ROBO1: variants seen among roughly 807,000 people sequenced by gnomAD.
The protein encoded by ROBO1 is roundabout homolog 1.
ROBO1 carries 149 observed loss-of-function variants against 195.9 expected under a neutral mutation model. The ratio of observed to expected loss-of-function variants is 0.76; its 90% CI spans 0.67 to 0.87. The LOEUF (loss-of-function observed/expected upper bound fraction) is 0.87. Ranked by LOEUF, ROBO1 falls within the 40% of genes least tolerant of loss-of-function variation. The pLI is 0.00. For synonymous variants in ROBO1, 816 were observed against 733.2 expected, an observed-to-expected ratio of 1.11 and a Z score of -1.82; for missense variants, 1,933 against 2,068.3, an observed-to-expected ratio of 0.93 and a Z score of 1.27.
chr3:79,469,348 G>A (rs1260934089), intron 2 of ROBO1, among the ~76,000 whole-genome samples: 1 of 152,188 alleles, frequency 6.6e-6, no homozygotes, highest in African/African-American at 2.4e-5. Flanking sequence ...GAAGTAATTG[G>A]AAATTATGAT....
At chr3:79,540,992 T>A (rs995984900) in intron 2 of ROBO1, among the ~76,000 whole-genome samples, 1 of 152,104 alleles carries the variant, frequency 6.6e-6, no homozygotes, top group Non-Finnish European at 1.5e-5. Flanking sequence ...ATAGATGAGA[T>A]GAAGTCTTAT....
chr3:79,203,201 C>T (rs2081801123), intron 2 of ROBO1, among the ~76,000 whole-genome samples: 1 of 152,154 alleles, frequency 6.6e-6, no homozygotes, highest in Non-Finnish European at 1.5e-5. Flanking sequence ...GCATCCAAGC[C>T]TCCCACATGG....
intron 4 of ROBO1, among the ~76,000 whole-genome samples, chr3:78,910,663 A>G: frequency 6.6e-6 from 1 of 151,970 alleles, no homozygotes; most frequent in East Asian, 1.9e-4. Flanking sequence ...GGTCTACATA[A>G]ATGACCCTCT....
At chr3:79,514,482 C>T (rs1238150411) in intron 2 of ROBO1, among the ~76,000 whole-genome samples, 1 of 151,930 alleles carries the variant, frequency 6.6e-6, no homozygotes, top group Non-Finnish European at 1.5e-5. Flanking sequence ...TCTTTTAAAA[C>T]TTAAAACCTT....
At chr3:79,394,679 T>A (rs144758106) in intron 2 of ROBO1, among the ~76,000 whole-genome samples, 1 of 152,140 alleles carries the variant, frequency 6.6e-6, no homozygotes, top group African/African-American at 2.4e-5. Flanking sequence ...AATCTAAATA[T>A]AGATTCTTCT....
intron 2 of ROBO1, among the ~76,000 whole-genome samples, chr3:79,457,098 T>G (rs923890108): frequency 6.6e-6 from 1 of 152,206 alleles, no homozygotes; most frequent in Non-Finnish European, 1.5e-5. Flanking sequence ...AAACGAATGA[T>G]GAATTTTACT....
chr3:79,261,277 T>G (rs528235418), intron 2 of ROBO1, among the ~76,000 whole-genome samples: 1 of 152,194 alleles, frequency 6.6e-6, no homozygotes, highest in South Asian at 2.1e-4. Context: ...AGAACAGCTG[T>G]AAAAACATTT....
At position 78,767,860 on chromosome 3, in the gene ROBO1, T is replaced by A. The variant is rs545357510; in HGVS notation, c.500-20960A>T. ...GCTAATGGTCTATCGATTTTATTGA[T>A]GTTTTAAAAGAACTAGCTTTTGGTT... On this transcript the variant is annotated intron_variant, in intron 4 of 30. Transcript: ENST00000464233. Among the ~76,000 whole-genome samples, 7 of 152,238 alleles carry A rather than the reference T, an allele frequency of 4.6e-5. No homozygotes were observed. In the East Asian group the frequency reaches 1.4e-3, roughly 29 times the overall value.
At position 79,101,562 on chromosome 3, in the gene ROBO1, C is replaced by A. The variant is rs142891167; in HGVS notation, c.172+23894G>T. Among the ~76,000 whole-genome samples, 477 of 151,898 alleles carry A rather than the reference C, an allele frequency of 3.1e-3. 5 individuals are homozygous for A. The highest frequency in any genetic ancestry group is 0.011 in the African/African-American group (452 of 41,488). Reference sequence around the variant, plus strand: ...CTGGAGCTTCATATTATCTCACTTGCTTCTGCTGAAGGCTCTCATCCTCAC... The same window carrying A: ...CTGGAGCTTCATATTATCTCACTTGATTCTGCTGAAGGCTCTCATCCTCAC... On this transcript the variant is annotated intron_variant, in intron 3 of 30. Transcript: ENST00000464233.
chr3:78,739,942 C>T lies in ROBO1; in HGVS notation c.657+6801G>A, dbSNP rs149823371. On this transcript the variant is annotated intron_variant, in intron 5 of 30. Coordinates refer to ENST00000464233, the MANE Select transcript of ROBO1 (RefSeq NM_002941.4). ...ATATATGTTGCAGAATCTATAGGAC[C>T]CTATAAAAAATGTTATGAGTCAAAA... is the stretch of plus-strand genomic sequence containing the variant. 4.2e-3 allele frequency among the ~76,000 whole-genome samples: 637 copies of T among 152,090 alleles called. 7 individuals carry two copies. The highest frequency in any genetic ancestry group is 0.014 in the African/African-American group (587 of 41,482).
intron 2 of ROBO1, among the ~76,000 whole-genome samples, chr3:79,309,164 A>G (rs1576955461): frequency 6.6e-6 from 1 of 152,312 alleles, no homozygotes; most frequent in Non-Finnish European, 1.5e-5. Flanking sequence ...GTTATATGAT[A>G]TGTGTCTGTA....
At chr3:79,614,190 T>C (rs1944750211) in intron 1 of ROBO1, among the ~76,000 whole-genome samples, 2 of 152,172 alleles carry the variant, frequency 1.3e-5, no homozygotes, top group South Asian at 4.1e-4. Context: ...AACAGCAGCA[T>C]AACAAATATT....
At chr3:79,609,995 T>C (rs1234322430) in intron 1 of ROBO1, among the ~76,000 whole-genome samples, 2 of 152,076 alleles carry the variant, frequency 1.3e-5, no homozygotes, top group African/African-American at 4.8e-5. Context: ...ATGGTTAAAA[T>C]TGAAATTTTA....
chr3:79,733,157 T>TA (rs1703226752), intron 1 of ROBO1, among the ~76,000 whole-genome samples: 1 of 152,182 alleles, frequency 6.6e-6, no homozygotes, highest in African/African-American at 2.4e-5. Context: ...TTTTACCTCC[T>TA]AAAACTTTGA....
intron 4 of ROBO1, among the ~76,000 whole-genome samples, chr3:78,842,698 C>CA (rs1186291190): frequency 6.8e-5 from 10 of 147,950 alleles, no homozygotes; most frequent in Admixed American, 3.4e-4. Flanking sequence ...ATCAGGTAGG[C>CA]AAAAAAAATA....
At chr3:79,038,360 A>G (rs1214923325) in intron 3 of ROBO1, among the ~76,000 whole-genome samples, 15 of 152,190 alleles carry the variant, frequency 9.9e-5, no homozygotes, top group Admixed American at 9.2e-4. Context: ...AGAATGATGA[A>G]CTTTTGTCCA....
At chr3:78,912,287 T>A (rs976307175) in intron 4 of ROBO1, among the ~76,000 whole-genome samples, 9 of 152,226 alleles carry the variant, frequency 5.9e-5, no homozygotes, top group African/African-American at 2.2e-4. Flanking sequence ...AACATCAATA[T>A]ATGTTTTAAA....
chr3:78,742,860 A>G (rs1055941145), intron 5 of ROBO1, among the ~76,000 whole-genome samples: 18 of 152,162 alleles, frequency 1.2e-4, no homozygotes, highest in Non-Finnish European at 1.5e-4. Context: ...GCGTGGGGGA[A>G]CTGGTGCTCT....
chr3:78,615,155 AT>A (rs1243436224), intron 27 of ROBO1, among the ~76,000 whole-genome samples: 3 of 152,378 alleles, frequency 2.0e-5, no homozygotes, highest in African/African-American at 7.2e-5. Context: ...AAATGTTTGC[AT>A]AATATAGCCA....
Sources: allele counts gnomAD v4.1 joint callset (sites outside exome capture counted in the v4.1 genomes callset), GRCh38; gene constraint gnomAD v4.1.1; transcripts MANE v1.5; gene names NCBI Gene and HGNC (gene_info 2026-07-23, HGNC 2026-07-21).